The following SORBS3 variants were observed in gnomAD, a reference collection of about 807,000 sequenced individuals.
SORBS3 encodes the protein vinexin.
SORBS3 carries 69 observed loss-of-function variants against 98.0 expected under a neutral mutation model. That is an observed-to-expected ratio of 0.70 (90% CI 0.58 to 0.86). SORBS3 has a LOEUF of 0.86. Ranked by LOEUF, SORBS3 falls within the 40% of genes least tolerant of loss-of-function variation. The probability of loss-of-function intolerance (pLI) is 0.00; values close to 1 mark genes in which losing one functional copy is unlikely to be tolerated. For missense variants in SORBS3, 954 were observed against 908.5 expected (o/e 1.05, Z -0.64); for synonymous variants, 394 against 355.4 (o/e 1.11, Z -1.22).
At chr8:22,545,813 C>T (rs1036503207) in intron 1 of SORBS3, among the ~76,000 whole-genome samples, 9 of 152,220 alleles carry the variant, frequency 5.9e-5, no homozygotes, top group Non-Finnish European at 1.3e-4. Context: ...AGGAGCAGGC[C>T]TGTCATAGAT....
At chr8:22,561,088 G>A in intron 5 of SORBS3, 1 of 458,312 alleles carries the variant, frequency 2.2e-6, no homozygotes, top group Non-Finnish European at 3.9e-6. Context: ...GGAGGGAGGA[G>A]CAGGAGGGCT....
At chr8:22,567,197 A>G in intron 16 of SORBS3, 22 bp downstream of exon 16, 1 of 1,552,296 alleles carries the variant, frequency 6.4e-7, no homozygotes, top group Non-Finnish European at 8.9e-7. Flanking sequence ...AGACAAGAGC[A>G]AGTGGGGCTG....
intron 5 of SORBS3, among the ~76,000 whole-genome samples, chr8:22,559,262 C>G (rs1385385881): frequency 6.6e-6 from 1 of 152,080 alleles, no homozygotes; most frequent in Non-Finnish European, 1.5e-5. Context: ...CCTGGTGGGA[C>G]AGGATGAGAC....
At chr8:22,571,891 C>T in intron 19 of SORBS3, 70 bp downstream of exon 19, 1 of 1,127,248 alleles carries the variant, frequency 8.9e-7, no homozygotes, top group South Asian at 1.2e-5. Context: ...CCATATTCCA[C>T]CCTCCCCCAA....
chr8:22,568,519 T>C (rs905878304), intron 16 of SORBS3, among the ~76,000 whole-genome samples: 31 of 152,234 alleles, frequency 2.0e-4, no homozygotes, highest in South Asian at 6.2e-4. Context: ...CTTGTTTTGA[T>C]AGGTATCATT....
chr8:22,563,464 G>C (rs1281616785), intron 7 of SORBS3, among the ~76,000 whole-genome samples: 1 of 152,094 alleles, frequency 6.6e-6, no homozygotes, highest in Non-Finnish European at 1.5e-5. Flanking sequence ...GAAATAACTT[G>C]GCCAGAGCTG....
chr8:22,574,859 G>A lies in SORBS3; in HGVS notation c.*131G>A. 3.4e-6 allele frequency: 3 copies of A among 880,314 alleles called. No individual in the cohort carries two copies. Among genetic ancestry groups the A allele is most frequent in the Non-Finnish European group, 5.6e-6 (3 of 533,740 alleles). 54.5% of individuals were successfully genotyped at this position (880,314 alleles called of 1,614,324 possible). On this transcript the variant is annotated 3_prime_UTR_variant, in exon 21 of 21. Transcript: ENST00000240123. The stretch of plus-strand genomic sequence containing the variant: ...CTCCCAGCATCTGCAGACGACCCCC[G>A]CAGCCTTTCCCTCGGACCCCCCTCG...
chr8:22,568,917 A>G (rs1840493652), intron 16 of SORBS3, among the ~76,000 whole-genome samples: 1 of 152,192 alleles, frequency 6.6e-6, no homozygotes, highest in Admixed American at 6.5e-5. Context: ...CCCACTCCAT[A>G]TATCCCTATG....
In SORBS3 at chr8:22,570,999, C is replaced by T; in HGVS notation, c.1521C>T (p.Ala507=). ...CGGGGCGCCAAGGCATATTCCCTGC[C>T]AGCTACGTGCAGGTGTCTCGTGAAC... is the stretch of plus-strand genomic sequence containing the variant. The part of the protein sequence containing the change: ...TGTGRQGIFP[A]SYVQVSREPR... Residue 507 remains alanine (A), a synonymous_variant, in exon 18 of 21, where the codon GCC becomes GCT. Coordinates refer to ENST00000240123, the MANE Select transcript of SORBS3 (RefSeq NM_005775.5). 6.2e-7 allele frequency: 1 copy of T among 1,613,766 alleles called. No homozygotes were observed. Among genetic ancestry groups the T allele is most frequent in the Non-Finnish European group, 8.5e-7 (1 of 1,179,928 alleles).
Position 22,569,159 on chromosome 8 carries a change from A to C in SORBS3, c.1317A>C (p.Ala439=), listed in dbSNP as rs2117284126. The C allele has an allele frequency of 6.2e-7, 1 of 1,606,886 alleles. No individual in the cohort carries two copies. Among genetic ancestry groups the C allele is most frequent in the Non-Finnish European group, 8.5e-7 (1 of 1,176,580 alleles). The change falls in exon 17 of 21, where the codon GCA becomes GCC. Residue 439 remains alanine (A), a synonymous_variant. Coordinates refer to ENST00000240123, the MANE Select transcript of SORBS3 (RefSeq NM_005775.5). ...FPANYVEVLP[A]DEIPKPIKPP... is the part of the protein sequence containing the mutation. ...CTTTCTTCATGCAGGTGCTGCCCGC[A>C]GATGAGATCCCTAAGCCCATCAAGC...
rs374436806 is a variant in SORBS3 at position 22,566,522 on chromosome 8, C to T, written c.1090+38C>T. 2.0e-5 allele frequency: 32 copies of T among 1,604,282 alleles called. No individual in the cohort carries two copies. The Middle Eastern group carries it at 1.0e-3, about 50-fold the overall frequency. Reference sequence around the variant, plus strand: ...CCCTGCTCTCTTTCTCACGGAGATGCCCACCCACCAGGCATGTTGGTGCCC... The same window carrying T: ...CCCTGCTCTCTTTCTCACGGAGATGTCCACCCACCAGGCATGTTGGTGCCC... On this transcript the variant is annotated intron_variant, in intron 13 of 20. Coordinates refer to ENST00000240123, the MANE Select transcript of SORBS3 (RefSeq NM_005775.5).
At chr8:22,559,694 C>T (rs1274371588) in intron 5 of SORBS3, among the ~76,000 whole-genome samples, 1 of 143,028 alleles carries the variant, frequency 7.0e-6, no homozygotes, top group East Asian at 2.1e-4. Flanking sequence ...TAGAGCAAGA[C>T]GCTGTCTCTA....
chr8:22,567,215 A>G, intron 16 of SORBS3, 40 bp downstream of exon 16: 8 of 779,290 alleles, frequency 1.0e-5, no homozygotes, highest in African/African-American at 3.5e-5. Context: ...CTGGGCTGGG[A>G]GGGCGCAGGG....
chr8:22,570,895 C>CT lies in SORBS3; in HGVS notation c.1432-11dup. 1 of 1,574,690 alleles carries CT rather than the reference C, an allele frequency of 6.4e-7. No homozygotes were observed. Among genetic ancestry groups the CT allele is most frequent in the Non-Finnish European group, 8.6e-7 (1 of 1,156,166 alleles). ...ACCAGGAAGGCCCCACAGACACTGA[C>CT]TTTTCCCCCCTCAGGGAGAGCACAT... is the stretch of plus-strand genomic sequence containing the variant. On this transcript the variant is annotated splice_polypyrimidine_tract_variant and intron_variant, in intron 17 of 20. Coordinates refer to ENST00000240123, the MANE Select transcript of SORBS3 (RefSeq NM_005775.5).
chr8:22,575,245 G>C lies in SORBS3; in HGVS notation c.*517G>C, dbSNP rs997879280. 13 of 312,872 alleles carry C rather than the reference G, an allele frequency of 4.2e-5. No homozygotes were observed. In the Admixed American group the frequency reaches 5.9e-4, roughly 14 times the overall value. 19.4% of individuals were successfully genotyped at this position (312,872 alleles called of 1,614,324 possible). Reference sequence around the variant, plus strand: ...TGTGGGGGGGCGGAGCAAGGCGGGGGACAGACGCAGCACCTTCTTAGCGAT... The same window carrying C: ...TGTGGGGGGGCGGAGCAAGGCGGGGCACAGACGCAGCACCTTCTTAGCGAT... On this transcript the variant is annotated 3_prime_UTR_variant, in exon 21 of 21. Coordinates refer to ENST00000240123, the MANE Select transcript of SORBS3 (RefSeq NM_005775.5).
At chr8:22,551,021 G>A (rs1840071021), upstream of SORBS3, among the ~76,000 whole-genome samples, 1 of 152,218 alleles carries the variant, frequency 6.6e-6, no homozygotes, top group Non-Finnish European at 1.5e-5. The surrounding 1 kb of genome is among the most constrained non-coding windows in gnomAD (Gnocchi z 5.8). Flanking sequence ...CGGAAGGGCC[G>A]GGGCTCTGGG....
Position 22,554,787 on chromosome 8 carries a change from TG to T in SORBS3, c.103-73del. ...GGCCTGGGACTGTCACCGAGGGGTG[TG>T]GGCTGTGCCTAGTAGCCATCCCTCC... On this transcript the variant is annotated intron_variant, in intron 2 of 20. Coordinates refer to ENST00000240123, the MANE Select transcript of SORBS3 (RefSeq NM_005775.5). The surrounding 1 kb of genome is among the most constrained non-coding windows in gnomAD (Gnocchi z 6.5). 1 of 1,464,404 alleles carries T rather than the reference TG, an allele frequency of 6.8e-7. No homozygotes were observed. The highest frequency in any genetic ancestry group is 9.4e-7 in the Non-Finnish European group (1 of 1,064,156). The allele number at this position is 1,464,404 out of a possible 1,614,324, so 90.7% of individuals were successfully genotyped here.
chr8:22,551,898 G>A (rs1840089374), upstream of SORBS3: 1 of 985,250 alleles, frequency 1.0e-6, no homozygotes, highest in South Asian at 4.7e-5. The surrounding 1 kb of genome is among the most constrained non-coding windows in gnomAD (Gnocchi z 5.8). Flanking sequence ...CGGTCACGAG[G>A]GCCGCGACGG....
intron 5 of SORBS3, chr8:22,560,926 C>T: frequency 5.6e-6 from 1 of 178,608 alleles, no homozygotes; most frequent in Non-Finnish European, 1.2e-5. Flanking sequence ...TTCCAGGAAG[C>T]CCCAGAAATT....
Sources: gnomAD v4.1 joint callset for allele counts (sites outside exome capture counted in the v4.1 genomes callset) on GRCh38, gnomAD v4.1.1 for gene constraint, Gnocchi (gnomAD v3.1) non-coding constraint, MANE v1.5 for transcripts, NCBI Gene and HGNC (gene_info 2026-07-23, HGNC 2026-07-21) for gene names.